Variants in SNTG1 observed in about 807,000 individuals in gnomAD.
SNTG1 encodes the protein gamma-1-syntrophin.
SNTG1 carries 39 observed loss-of-function variants against 74.7 expected under a neutral mutation model. That is an observed-to-expected ratio of 0.52 (90% CI 0.40 to 0.68). The LOEUF is 0.68. SNTG1 is among the 30% of genes least tolerant of loss of function. The pLI, the probability that SNTG1 is intolerant of heterozygous loss-of-function variation, is 0.00. For missense variants in SNTG1, 685 were observed against 609.5 expected (o/e 1.12, Z -1.30); for synonymous variants, 254 against 217.1 (o/e 1.17, Z -1.49).
intron 13 of SNTG1, among the ~76,000 whole-genome samples, chr8:50,615,489 A>T (rs1450079031): frequency 6.6e-6 from 1 of 152,178 alleles, no homozygotes; most frequent in African/African-American, 2.4e-5. Flanking sequence ...GAGGAAGCAT[A>T]ACCGAATACA....
chr8:50,241,785 G>A (rs1250656208), intron 2 of SNTG1, among the ~76,000 whole-genome samples: 6 of 152,144 alleles, frequency 3.9e-5, no homozygotes, highest in East Asian at 1.9e-4. Context: ...GGATGATAAT[G>A]AACTTTACAA....
At chr8:50,096,830 T>A (rs762496561) in intron 1 of SNTG1, among the ~76,000 whole-genome samples, 1 of 152,204 alleles carries the variant, frequency 6.6e-6, no homozygotes, top group Admixed American at 6.5e-5. Context: ...AAAGTAGTCA[T>A]TCAGGATATA....
At chr8:50,143,874 A>T (rs1235807689) in intron 1 of SNTG1, among the ~76,000 whole-genome samples, 1 of 152,258 alleles carries the variant, frequency 6.6e-6, no homozygotes, top group African/African-American at 2.4e-5. Flanking sequence ...TCTGCTGCTT[A>T]TTAAAAGTTA....
chr8:50,732,030 C>A (rs908208814), intron 17 of SNTG1, among the ~76,000 whole-genome samples: 5 of 151,950 alleles, frequency 3.3e-5, no homozygotes, highest in African/African-American at 1.2e-4. Flanking sequence ...TTATATCCAT[C>A]TTTGGGGTAT....
chr8:50,515,668 G>A (rs1178304811), intron 9 of SNTG1, among the ~76,000 whole-genome samples: 1 of 152,102 alleles, frequency 6.6e-6, no homozygotes, highest in Non-Finnish European at 1.5e-5. Context: ...TCTCCTCACA[G>A]TGTAAACAAA....
intron 1 of SNTG1, among the ~76,000 whole-genome samples, chr8:50,040,650 TTATAAATG>T (rs1818556926): frequency 2.0e-5 from 3 of 152,164 alleles, no homozygotes; most frequent in Admixed American, 2.0e-4. Context: ...AAGGAGATGC[TTATAAATG>T]TAAGACATTT....
intron 13 of SNTG1, among the ~76,000 whole-genome samples, chr8:50,598,056 G>GA (rs1554584095): frequency 2.7e-5 from 4 of 148,984 alleles, no homozygotes; most frequent in Non-Finnish European, 4.5e-5. Context: ...TTTGTTTTTT[G>GA]TTTTTTTTTA....
chr8:50,595,901 G>A (rs1268780919), intron 13 of SNTG1, among the ~76,000 whole-genome samples: 3 of 151,830 alleles, frequency 2.0e-5, no homozygotes, highest in African/African-American at 4.8e-5. Context: ...TTCATTTTAA[G>A]TTTTAGTGTA....
chr8:50,764,093 TA>T (rs2095607333), intron 18 of SNTG1, among the ~76,000 whole-genome samples: 1 of 151,564 alleles, frequency 6.6e-6, no homozygotes, highest in Non-Finnish European at 1.5e-5. Context: ...CAGTCTCCAA[TA>T]ACAGGGTGAC....
intron 2 of SNTG1, among the ~76,000 whole-genome samples, chr8:50,203,341 A>G (rs932562243): frequency 9.2e-5 from 14 of 152,096 alleles, no homozygotes; most frequent in African/African-American, 2.9e-4. Flanking sequence ...CCCATCCTCC[A>G]GGTAAGACAA....
chr8:50,134,362 G>A (rs544035285), intron 1 of SNTG1, among the ~76,000 whole-genome samples: 192 of 152,314 alleles, frequency 1.3e-3, no homozygotes, highest in South Asian at 2.5e-3. Context: ...AGCACAGGGA[G>A]AGGAGCTTTC....
chr8:50,191,850 A>G (rs2083590890), intron 2 of SNTG1, among the ~76,000 whole-genome samples: 1 of 152,088 alleles, frequency 6.6e-6, no homozygotes, highest in African/African-American at 2.4e-5. Flanking sequence ...CTCTCAGTAT[A>G]TTGTCTCAGT....
chr8:50,539,520 G>T (rs1036930591), intron 11 of SNTG1, among the ~76,000 whole-genome samples: 1 of 152,162 alleles, frequency 6.6e-6, no homozygotes, highest in Non-Finnish European at 1.5e-5. Context: ...ACGGATAGGT[G>T]AGGGCAACTA....
chr8:50,760,483 A>G (rs1329773320), intron 18 of SNTG1, among the ~76,000 whole-genome samples: 1 of 151,984 alleles, frequency 6.6e-6, no homozygotes, highest in Non-Finnish European at 1.5e-5. Flanking sequence ...GGTTTGTCAT[A>G]AATAGCTCTT....
chr8:50,467,400 GTA>G (rs1295668266), intron 8 of SNTG1, among the ~76,000 whole-genome samples: 1 of 151,840 alleles, frequency 6.6e-6, no homozygotes, highest in African/African-American at 2.4e-5. Context: ...CCCAGATCAT[GTA>G]AGTTATCAAA....
chr8:50,579,335 T>C (rs1322972081), intron 12 of SNTG1, among the ~76,000 whole-genome samples: 1 of 152,144 alleles, frequency 6.6e-6, no homozygotes, highest in Non-Finnish European at 1.5e-5. Context: ...AATCAGAGCA[T>C]AAATGTTTGG....
chr8:50,237,803 T>C (rs1465996225), intron 2 of SNTG1, among the ~76,000 whole-genome samples: 1 of 152,098 alleles, frequency 6.6e-6, no homozygotes, highest in African/African-American at 2.4e-5. Flanking sequence ...TAAGGTAGTG[T>C]TTTGTCTTCT....
At chr8:50,232,565 C>A (rs2085684450) in intron 2 of SNTG1, among the ~76,000 whole-genome samples, 1 of 151,378 alleles carries the variant, frequency 6.6e-6, no homozygotes, top group Non-Finnish European at 1.5e-5. Flanking sequence ...TTTTTGTGAA[C>A]ATAGTCCTGA....
Position 50,736,713 on chromosome 8 carries a change from T to A in SNTG1, c.1285-15288T>A, listed in dbSNP as rs552559002. 2.9e-3 allele frequency among the ~76,000 whole-genome samples: 448 copies of A among 152,088 alleles called. 3 individuals carry two copies. The highest frequency in any genetic ancestry group is 0.01 in the African/African-American group (433 of 41,502). ...CCCAGCAAATGCAAAAGAATGGAAA[T>A]CATAACAGTCTCTCAGACCACAGTG... On this transcript the variant is annotated intron_variant, in intron 17 of 18. Coordinates refer to ENST00000642720, the MANE Select transcript of SNTG1 (RefSeq NM_018967.5).
Sources: gnomAD v4.1 joint callset for allele counts (sites outside exome capture counted in the v4.1 genomes callset) on GRCh38, gnomAD v4.1.1 for gene constraint, MANE v1.5 for transcripts, NCBI Gene and HGNC (gene_info 2026-07-23, HGNC 2026-07-21) for gene names.